The following RPL18 variants were observed in gnomAD, a reference collection of about 807,000 sequenced individuals.
RPL18 encodes large ribosomal subunit protein eL18.
A neutral mutation model predicts 25.0 loss-of-function variants in RPL18; 4 were observed. The observed-to-expected ratio is 0.16, with a 90% CI of 0.08 to 0.37. The LOEUF (loss-of-function observed/expected upper bound fraction) is 0.37. Ranked by LOEUF, RPL18 falls within the 10% of genes least tolerant of loss-of-function variation. RPL18 has a pLI of 1.00. For missense variants in RPL18, 179 were observed against 267.9 expected (o/e 0.67, Z 2.32); for synonymous variants, 129 against 101.6 (o/e 1.27, Z -1.62).
At chr19:48,616,320 C>T in intron 4 of RPL18, 118 bp from the exon 5 acceptor site, 2 of 1,289,122 alleles carry the variant, frequency 1.6e-6, no homozygotes, top group Non-Finnish European at 2.1e-6. Context: ...CTATCGTTTA[C>T]TACCCGGAGC....
chr19:48,615,973 G>C, intron 5 of RPL18, 27 bp from the exon 6 acceptor site: 1 of 1,613,896 alleles, frequency 6.2e-7, no homozygotes, highest in Non-Finnish European at 8.5e-7. Flanking sequence ...AGAACCGGGT[G>C]AGACAGGGAT....
At position 48,619,059 on chromosome 19, in the gene RPL18, C is replaced by T. The variant is rs1407277268; in HGVS notation, c.3+82G>A. 1.2e-5 allele frequency: 17 copies of T among 1,459,730 alleles called. No homozygotes were observed. In the Admixed American group the frequency reaches 3.3e-4, roughly 29 times the overall value. 90.4% of individuals were successfully genotyped at this position (1,459,730 alleles called of 1,614,324 possible). A position where few individuals can be genotyped will look rare whatever the true frequency, so the allele number is the denominator to read the frequency against. ...CTCCGGGCAGCCGCAGACCCCCTGC[C>T]GCCCTCCAGCGTGCCCCTAGCCCAA... On this transcript the variant is annotated intron_variant, in intron 1 of 6. Transcript: ENST00000549920.
rs754359685 is a variant in RPL18, at chr19:48,616,738, T to C, written c.285A>G (p.Val95=). The change falls in exon 4 of 7, where the codon GTA becomes GTG. Residue 95 remains valine, a synonymous_variant. Coordinates refer to ENST00000549920, the MANE Select transcript of RPL18 (RefSeq NM_000979.4). The stretch of plus-strand genomic sequence containing the variant: ...CCCGCCAGCTCACCTTCAGTTTGGG[T>C]ACCTCCTGAACCCGCACATCATCAG... ...TITDDVRVQE[V]PKLKVCALRV... 1.7e-5 allele frequency: 27 copies of C among 1,612,184 alleles called. No homozygotes were observed. The African/African-American group carries it at 2.3e-4, about 14-fold the overall frequency.
rs879214694 is a variant in RPL18 at position 48,616,076 on chromosome 19, C to T, written c.421+3G>A. The T allele has an allele frequency of 2.5e-6, 4 of 1,614,152 alleles. No individual in the cohort carries two copies. The highest frequency in any genetic ancestry group is 3.4e-6 in the Non-Finnish European group (4 of 1,179,998). On this transcript the variant is annotated splice_donor_region_variant and intron_variant, in intron 5 of 6. Coordinates refer to ENST00000549920, the MANE Select transcript of RPL18 (RefSeq NM_000979.4). ...CCAAACCCGTCGACCACGTATCACTCACCGGAGAGCAGGACAGTGCCACAG... is the reference window on the plus strand; with the variant it reads ...CCAAACCCGTCGACCACGTATCACTTACCGGAGAGCAGGACAGTGCCACAG...
intron 4 of RPL18, 180 bp from the exon 5 acceptor site, chr19:48,616,382 C>T: frequency 1.4e-6 from 1 of 712,374 alleles, no homozygotes; most frequent in Non-Finnish European, 2.3e-6. Context: ...TTCACCACCA[C>T]ATCCCTGGTG....
chr19:48,619,032 C>A, intron 1 of RPL18, 109 bp downstream of exon 1: 1 of 1,206,686 alleles, frequency 8.3e-7, no homozygotes, highest in Non-Finnish European at 1.2e-6. Flanking sequence ...GGGAATTGCT[C>A]CCTCCGGGCA....
chr19:48,616,345 G>C, intron 4 of RPL18, 143 bp from the exon 5 acceptor site: 2 of 983,942 alleles, frequency 2.0e-6, no homozygotes, highest in Non-Finnish European at 3.0e-6. Context: ...TGGGCTGACA[G>C]CAGCAGTTCT....
At position 48,617,395 on chromosome 19, in the gene RPL18, T is replaced by C; in HGVS notation, c.119A>G (p.Asn40Ser). The C allele has an allele frequency of 6.2e-7, 1 of 1,614,048 alleles. No individual in the cohort carries two copies. The highest frequency in any genetic ancestry group is 8.5e-7 in the Non-Finnish European group (1 of 1,179,976). ...KLYRFLARRTNSTFNQVVLKR... is the reference protein window; with the variant it reads ...KLYRFLARRTSSTFNQVVLKR... ...CAACACAACCTGGTTGAATGTGGAG[T>C]TGGTTCTTCTGGCCAGAAACCTGTA... is the stretch of plus-strand genomic sequence containing the variant. Residue 40 changes from asparagine to serine, a missense_variant, in exon 3 of 7, where the codon AAC (asparagine) becomes AGC (serine). Asn to Ser is a conservative substitution (Grantham distance 46). Coordinates refer to ENST00000549920, the MANE Select transcript of RPL18 (RefSeq NM_000979.4).
intron 1 of RPL18, 131 bp downstream of exon 1, chr19:48,619,010 G>A (rs1601145102): frequency 2.1e-6 from 2 of 936,398 alleles, no homozygotes; most frequent in Non-Finnish European, 3.4e-6. Flanking sequence ...CCCAGAGTAG[G>A]TCCCCAGTAT....
Position 48,619,126 on chromosome 19 carries a change from G to A in RPL18, c.3+15C>T, listed in dbSNP as rs1163877543. 5.6e-6 allele frequency: 8 copies of A among 1,432,118 alleles called. No homozygotes were observed. Among genetic ancestry groups the A allele is most frequent in the South Asian group, 1.2e-5 (1 of 86,410 alleles). 88.7% of individuals were successfully genotyped at this position (1,432,118 alleles called of 1,614,324 possible). ...AGCGGATTATCCAGCCCCGAACGCC[G>A]CAAAGCGAGCTCACCATGATGGCGC... On this transcript the variant is annotated intron_variant, in intron 1 of 6. Coordinates refer to ENST00000549920, the MANE Select transcript of RPL18 (RefSeq NM_000979.4).
rs759454766 is a variant in RPL18, at chr19:48,617,333, G to A, written c.181C>T (p.Leu61=). Residue 61 remains leucine (L), a synonymous_variant, in exon 3 of 7, where the codon CTG becomes TTG. Coordinates refer to ENST00000549920, the MANE Select transcript of RPL18 (RefSeq NM_000979.4). ...CCACTCACCATCCGGGAAAGGGACA[G>A]AGGCGGCCGGTTGGTGCGACTCATA... ...LFMSRTNRPP[L]SLSRMIRKMK... 9 of 1,613,992 alleles carry A rather than the reference G, an allele frequency of 5.6e-6. No homozygotes were observed. Among genetic ancestry groups the A allele is most frequent in the Non-Finnish European group, 5.9e-6 (7 of 1,179,962 alleles).
intron 1 of RPL18, 23 bp downstream of exon 1, chr19:48,619,118 C>G (rs761027618): frequency 7.8e-5 from 124 of 1,599,314 alleles, no homozygotes; most frequent in Non-Finnish European, 1.0e-4. Context: ...TATCCAGCCC[C>G]GAACGCCGCA....
At chr19:48,615,610 G>T in intron 6 of RPL18, 163 bp from the exon 7 acceptor site, 2 of 680,300 alleles carry the variant, frequency 2.9e-6, no homozygotes, top group Non-Finnish European at 5.0e-6. Context: ...GGCTATGGAA[G>T]CACCTGCCCC....
At position 48,617,430 on chromosome 19, in the gene RPL18, G is replaced by A. The variant is rs202010202; in HGVS notation, c.91-7C>T. On this transcript the variant is annotated splice_region_variant and splice_polypyrimidine_tract_variant and intron_variant, in intron 2 of 6. Coordinates refer to ENST00000549920, the MANE Select transcript of RPL18 (RefSeq NM_000979.4). ...TGGCCAGAAACCTGTATAACTGGAG[G>A]GACGGGAAGACAGTGAGAAGCTGGG... 2 of 1,606,734 alleles carry A rather than the reference G, an allele frequency of 1.2e-6. No homozygotes were observed. Among genetic ancestry groups the A allele is most frequent in the Admixed American group, 3.3e-5 (2 of 59,992 alleles).
chr19:48,618,959 G>A (rs935853154), intron 1 of RPL18, 182 bp downstream of exon 1: 9 of 621,182 alleles, frequency 1.4e-5, no homozygotes, highest in Middle Eastern at 3.0e-4. Context: ...TACTAAGTGG[G>A]GGCGGTAGGC....
chr19:48,616,575 C>T (rs764045021), intron 4 of RPL18, 151 bp downstream of exon 4: 1 of 742,640 alleles, frequency 1.3e-6, no homozygotes, highest in Admixed American at 2.0e-5. Flanking sequence ...ACGACCCACA[C>T]CAATCCTCAA....
intron 1 of RPL18, chr19:48,618,099 G>C (rs1017192574): frequency 4.4e-6 from 2 of 457,942 alleles, no homozygotes; most frequent in African/African-American, 2.0e-5. Context: ...CTGAAACATC[G>C]TAACACAGCA....
Position 48,617,201 on chromosome 19 carries a change from G to C in RPL18, c.198+115C>G, listed in dbSNP as rs1044490935. 3 of 868,772 alleles carry C rather than the reference G, an allele frequency of 3.5e-6. No individual in the cohort carries two copies. In the African/African-American group the frequency reaches 4.9e-5, roughly 14 times the overall value. The allele number at this position is 868,772 out of a possible 1,614,324, so 53.8% of individuals were successfully genotyped here. ...CCAAGCTCTACGCTCGCGACTGGCT[G>C]AGACAAACCCTTGATGCCCTGGTTG... On this transcript the variant is annotated intron_variant, in intron 3 of 6. Transcript: ENST00000549920.
In RPL18 at chr19:48,615,388, C is replaced by T. The variant is rs1974136455; in HGVS notation, c.551G>A (p.Arg184Gln). 6.2e-6 allele frequency: 10 copies of T among 1,612,336 alleles called. No homozygotes were observed. The highest frequency in any genetic ancestry group is 1.3e-5 in the African/African-American group (1 of 74,894). The change falls in exon 7 of 7, where the codon CGA becomes CAA. Residue 184 changes from arginine to glutamine, a missense_variant. By Grantham distance (43) the Arg-to-Gln change is conservative (BLOSUM62 1). Transcript: ENST00000549920. Reference protein sequence around the residue: ...FERARGRRASRGYKN With the variant: ...FERARGRRASQGYKN ...GATCCAGGGTTAGTTTTTGTAGCCT[C>T]GGCTGGCCCGTCGGCCTCTGGCACG...
Sources: allele counts gnomAD v4.1 joint callset, GRCh38; gene constraint gnomAD v4.1.1; transcripts MANE v1.5; gene names NCBI Gene and HGNC (gene_info 2026-07-23, HGNC 2026-07-21).